The following COG5 variants were observed in gnomAD, a reference collection of about 807,000 sequenced individuals.
The protein encoded by COG5 is component of oligomeric golgi complex 5.
In COG5, 86 loss-of-function variants were observed where a neutral mutation model predicts 110.4. The ratio of observed to expected loss-of-function variants is 0.78; its 90% CI spans 0.65 to 0.93. COG5 has a LOEUF of 0.93. Ranked by LOEUF, COG5 falls within the 40% of genes least tolerant of loss-of-function variation. The pLI, the probability that COG5 is intolerant of heterozygous loss-of-function variation, is 0.00. For missense variants in COG5, 1,077 were observed against 987.0 expected (o/e 1.09, Z -1.22); for synonymous variants, 360 against 334.6 (o/e 1.08, Z -0.83).
chr7:107,281,802 T>C (rs765300423), intron 13 of COG5, among the ~76,000 whole-genome samples: 1 of 152,146 alleles, frequency 6.6e-6, no homozygotes, highest in Non-Finnish European at 1.5e-5. Context: ...AGGCTAAAAA[T>C]ATAAATTACA....
At chr7:107,523,476 G>T (rs892915392) in intron 6 of COG5, among the ~76,000 whole-genome samples, 2 of 151,986 alleles carry the variant, frequency 1.3e-5, no homozygotes, top group Admixed American at 1.3e-4. Flanking sequence ...ACATGTGTTG[G>T]CATGGTTGTA....
At chr7:107,541,055 G>C (rs2129168095) in intron 5 of COG5, among the ~76,000 whole-genome samples, 1 of 151,880 alleles carries the variant, frequency 6.6e-6, no homozygotes, top group East Asian at 1.9e-4. Flanking sequence ...GGAGGTTTAG[G>C]CAGGAGAATC....
At chr7:107,447,678 A>G (rs1273115265) in intron 6 of COG5, among the ~76,000 whole-genome samples, 1 of 152,204 alleles carries the variant, frequency 6.6e-6, no homozygotes, top group Non-Finnish European at 1.5e-5. Flanking sequence ...TATTATCTAT[A>G]AGATGAAACT....
chr7:107,424,166 G>C (rs1348060964), intron 6 of COG5, among the ~76,000 whole-genome samples: 1 of 151,894 alleles, frequency 6.6e-6, no homozygotes, highest in Non-Finnish European at 1.5e-5. Flanking sequence ...CCAGCTACTC[G>C]GGAGGCTGAG....
intron 17 of COG5, among the ~76,000 whole-genome samples, chr7:107,238,911 C>T (rs1428830256): frequency 6.6e-6 from 1 of 152,098 alleles, no homozygotes; most frequent in Non-Finnish European, 1.5e-5. Context: ...AGATGTATGG[C>T]TTGTAAGTAT....
intron 6 of COG5, among the ~76,000 whole-genome samples, chr7:107,462,669 G>C (rs1796070724): frequency 6.8e-6 from 1 of 147,800 alleles, no homozygotes; most frequent in Admixed American, 6.7e-5. Flanking sequence ...CATCCTACAA[G>C]TGGAAGCAGG....
At chr7:107,208,791 G>A (rs1798950498) in intron 21 of COG5, 1 of 985,426 alleles carries the variant, frequency 1.0e-6, no homozygotes, top group Non-Finnish European at 1.2e-6. Context: ...CATGTGGGAT[G>A]TGGGTACCAA....
intron 10 of COG5, among the ~76,000 whole-genome samples, chr7:107,344,924 A>G (rs1292602081): frequency 3.3e-5 from 5 of 152,206 alleles, no homozygotes; most frequent in African/African-American, 9.6e-5. Context: ...AATTAGTATA[A>G]GAAACCTAGT....
chr7:107,304,756 G>C (rs934797020), intron 11 of COG5, among the ~76,000 whole-genome samples: 1 of 152,140 alleles, frequency 6.6e-6, no homozygotes, highest in Admixed American at 6.6e-5. Flanking sequence ...AACTGGCTGC[G>C]GTCTGGCCAA....
At chr7:107,324,367 A>C in intron 11 of COG5, 73 bp downstream of exon 11, 1 of 982,174 alleles carries the variant, frequency 1.0e-6, no homozygotes, top group South Asian at 1.5e-5. Flanking sequence ...CAATACAGCA[A>C]AGCTTCTTGA....
rs186126055 is a variant in COG5 at position 107,427,310 on chromosome 7, T to C, written c.539-14678A>G. 6.5e-4 allele frequency among the ~76,000 whole-genome samples: 99 copies of C among 152,314 alleles called. 2 individuals are homozygous for C. In the South Asian group the frequency reaches 0.017, roughly 27 times the overall value. On this transcript the variant is annotated intron_variant, in intron 6 of 21. Transcript: ENST00000297135. ...ATTTGGCTTTTCCTATACATCAAAA[T>C]TGACATGGCCCAAACTTGATAATTT...
intron 12 of COG5, among the ~76,000 whole-genome samples, chr7:107,286,171 G>T (rs1234478317): frequency 6.6e-6 from 1 of 152,138 alleles, no homozygotes; most frequent in African/African-American, 2.4e-5. Flanking sequence ...AGGCCCTGAG[G>T]AGAGACCATA....
Position 107,281,327 on chromosome 7 carries a change from C to A in COG5, c.1548G>T (p.Gln516His). The A allele has an allele frequency of 6.2e-7, 1 of 1,613,122 alleles. No homozygotes were observed. Among genetic ancestry groups the A allele is most frequent in the East Asian group, 2.2e-5 (1 of 44,772 alleles). The stretch of plus-strand genomic sequence containing the variant: ...GCTGCTCTGATTTTACACTGTATAA[C>A]TGGATGGTCTTTGCCACATTTTTTG... The part of the protein sequence containing the change: ...AVSKNVAKTI[Q>H]LYSVKSEQLL... The change falls in exon 14 of 22, where the codon CAG becomes CAT. Residue 516 changes from glutamine to histidine, a missense_variant. Transcript: ENST00000297135.
intron 6 of COG5, among the ~76,000 whole-genome samples, chr7:107,489,709 C>G: frequency 6.6e-6 from 1 of 152,122 alleles, no homozygotes; most frequent in Non-Finnish European, 1.5e-5. Flanking sequence ...GAATGACCCT[C>G]AAAGAAAGCC....
At chr7:107,217,084 A>AT (rs1562916660) in intron 19 of COG5, among the ~76,000 whole-genome samples, 1 of 152,182 alleles carries the variant, frequency 6.6e-6, no homozygotes, top group Admixed American at 6.5e-5. Flanking sequence ...AGCGATTACT[A>AT]TGACAAATCA....
intron 10 of COG5, among the ~76,000 whole-genome samples, chr7:107,325,402 G>A (rs530283168): frequency 2.6e-5 from 4 of 152,312 alleles, no homozygotes; most frequent in African/African-American, 9.6e-5. Flanking sequence ...TGTAATCCCA[G>A]CACTTTGGGA....
chr7:107,351,984 T>A (rs1202312837), intron 10 of COG5, among the ~76,000 whole-genome samples: 1 of 145,714 alleles, frequency 6.9e-6, no homozygotes, highest in African/African-American at 2.5e-5. Context: ...GGATTATAAA[T>A]CACGCTGCTA....
chr7:107,454,268 G>T (rs1795528142), intron 6 of COG5, among the ~76,000 whole-genome samples: 1 of 152,128 alleles, frequency 6.6e-6, no homozygotes, highest in Non-Finnish European at 1.5e-5. Flanking sequence ...CTGAGAAAAT[G>T]ATATGAAATC....
At chr7:107,326,721 C>T (rs975711593) in intron 10 of COG5, among the ~76,000 whole-genome samples, 1 of 152,092 alleles carries the variant, frequency 6.6e-6, no homozygotes, top group Non-Finnish European at 1.5e-5. Flanking sequence ...TCCATACTCC[C>T]CAAATGATCT....
Sources: allele counts gnomAD v4.1 joint callset (sites outside exome capture counted in the v4.1 genomes callset), GRCh38; gene constraint gnomAD v4.1.1; transcripts MANE v1.5; gene names NCBI Gene and HGNC (gene_info 2026-07-23, HGNC 2026-07-21).